The following LRP1B variants were observed in gnomAD, a reference collection of about 807,000 sequenced individuals.
The protein encoded by LRP1B is low-density lipoprotein receptor-related protein 1B.
LRP1B carries 217 observed loss-of-function variants against 556.6 expected under a neutral mutation model. That is an observed-to-expected ratio of 0.39 (90% CI 0.35 to 0.44). The LOEUF (loss-of-function observed/expected upper bound fraction) is 0.44. Ranked by LOEUF, LRP1B falls within the 20% of genes least tolerant of loss-of-function variation. The pLI is 1.00. For missense variants in LRP1B, 5,053 were observed against 5,620.8 expected (o/e 0.90, Z 3.23); for synonymous variants, 2,047 against 1,865.8 (o/e 1.10, Z -2.50).
chr2:141,045,926 C>T (rs530099284), intron 11 of LRP1B, among the ~76,000 whole-genome samples: 6 of 152,122 alleles, frequency 3.9e-5, no homozygotes, highest in South Asian at 4.2e-4. Flanking sequence ...AATATGTTTT[C>T]ACTTAGCAGA....
intron 2 of LRP1B, among the ~76,000 whole-genome samples, chr2:141,607,250 C>G (rs75175849): frequency 6.6e-6 from 1 of 151,892 alleles, no homozygotes; most frequent in Admixed American, 6.6e-5. Context: ...AGGAGTGATA[C>G]AAAAACATGT....
chr2:141,920,462 G>C (rs1700156918), intron 1 of LRP1B, among the ~76,000 whole-genome samples: 1 of 151,904 alleles, frequency 6.6e-6, no homozygotes, highest in African/African-American at 2.4e-5. Context: ...AAGAAAATGA[G>C]AAATATTGAG....
intron 3 of LRP1B, among the ~76,000 whole-genome samples, chr2:141,288,680 A>C (rs1245975028): frequency 6.6e-6 from 1 of 152,162 alleles, no homozygotes; most frequent in Non-Finnish European, 1.5e-5. Context: ...TTCTTACTTT[A>C]CATATTTACT....
intron 3 of LRP1B, among the ~76,000 whole-genome samples, chr2:141,267,227 G>C (rs981445590): frequency 6.6e-6 from 1 of 152,146 alleles, no homozygotes; most frequent in African/African-American, 2.4e-5. Flanking sequence ...GTAGCTCAAA[G>C]TGTGCTCCAG....
At chr2:141,320,330 GAAATA>G (rs1000183967) in intron 3 of LRP1B, among the ~76,000 whole-genome samples, 4 of 152,066 alleles carry the variant, frequency 2.6e-5, no homozygotes, top group African/African-American at 9.6e-5. Flanking sequence ...GCGCAGTAAG[GAAATA>G]AAATAACATC....
chr2:140,729,784 T>G (rs1232954666), intron 35 of LRP1B, among the ~76,000 whole-genome samples: 1 of 152,176 alleles, frequency 6.6e-6, no homozygotes, highest in Non-Finnish European at 1.5e-5. Context: ...GATAGAAAGC[T>G]TCATATTCTC....
intron 2 of LRP1B, among the ~76,000 whole-genome samples, chr2:141,490,382 T>TGTGC (rs111337512): frequency 0.46 from 68,392 of 149,978 alleles, 15,679 homozygotes; most frequent in Non-Finnish European, 0.48. Flanking sequence ...TGTGTGTGTG[T>TGTGC]GTGTGTGTGT....
chr2:141,219,935 CA>C (rs2105273097), intron 6 of LRP1B, among the ~76,000 whole-genome samples: 1 of 152,198 alleles, frequency 6.6e-6, no homozygotes, highest in South Asian at 2.1e-4. Flanking sequence ...TCAGCAGCTT[CA>C]AAATATTGAA....
At chr2:140,785,722 A>G (rs1689874155) in intron 32 of LRP1B, among the ~76,000 whole-genome samples, 1 of 152,100 alleles carries the variant, frequency 6.6e-6, no homozygotes, top group Non-Finnish European at 1.5e-5. Flanking sequence ...TACAGTAGGT[A>G]TTTCTACCTA....
intron 41 of LRP1B, among the ~76,000 whole-genome samples, chr2:140,675,595 A>AT (rs1685642059): frequency 6.6e-6 from 1 of 152,046 alleles, no homozygotes; most frequent in Non-Finnish European, 1.5e-5. Context: ...ACACAGTGAG[A>AT]TTTTGCCTCT....
intron 21 of LRP1B, among the ~76,000 whole-genome samples, chr2:140,910,662 T>C (rs1205194124): frequency 6.6e-6 from 1 of 151,836 alleles, no homozygotes; most frequent in African/African-American, 2.4e-5. Context: ...GCAAGATTCA[T>C]AAAGAAATTG....
chr2:141,928,383 T>A (rs894600343), intron 1 of LRP1B, among the ~76,000 whole-genome samples: 2 of 152,094 alleles, frequency 1.3e-5, no homozygotes. Context: ...TTGAAACATA[T>A]GAAAAATAAA....
intron 3 of LRP1B, among the ~76,000 whole-genome samples, chr2:141,393,717 T>A (rs567322620): frequency 2.6e-5 from 4 of 151,900 alleles, no homozygotes; most frequent in Admixed American, 6.6e-5. Context: ...GAAGACAAGT[T>A]GTACAGAAAA....
At chr2:140,985,951 C>G (rs992562313) in intron 17 of LRP1B, among the ~76,000 whole-genome samples, 2 of 151,822 alleles carry the variant, frequency 1.3e-5, no homozygotes, top group Non-Finnish European at 2.9e-5. Context: ...ATTTCCCTCC[C>G]TCTCTTTCCA....
intron 2 of LRP1B, among the ~76,000 whole-genome samples, chr2:141,698,507 A>G (rs1463067734): frequency 2.0e-5 from 3 of 151,002 alleles, no homozygotes; most frequent in South Asian, 2.1e-4. Context: ...AAAAAAAAAA[A>G]AGAGTTTGAC....
At chr2:141,981,173 A>G (rs1702033223) in intron 1 of LRP1B, among the ~76,000 whole-genome samples, 2 of 152,080 alleles carry the variant, frequency 1.3e-5, no homozygotes, top group African/African-American at 4.8e-5. Context: ...CAGTTATACA[A>G]TCTTATGGTA....
chr2:140,368,466 C>T (rs997744568), intron 71 of LRP1B, among the ~76,000 whole-genome samples: 2 of 151,694 alleles, frequency 1.3e-5, no homozygotes, highest in Admixed American at 6.6e-5. Flanking sequence ...AAGAGAACCC[C>T]CCAATCTTTT....
chr2:140,595,109 T>TATATATAG (rs1682386047), intron 43 of LRP1B, among the ~76,000 whole-genome samples: 1 of 63,618 alleles, frequency 1.6e-5, no homozygotes. Context: ...TATATATATA[T>TATATATAG]ATATATATAT....
intron 2 of LRP1B, among the ~76,000 whole-genome samples, chr2:141,676,593 G>A (rs1255391886): frequency 3.3e-5 from 5 of 152,060 alleles, no homozygotes; most frequent in African/African-American, 1.2e-4. Context: ...TCAGTTCTTG[G>A]AGCACATTGA....
Sources: allele counts gnomAD v4.1 joint callset (sites outside exome capture counted in the v4.1 genomes callset), GRCh38; gene constraint gnomAD v4.1.1; transcripts MANE v1.5; gene names NCBI Gene and HGNC (gene_info 2026-07-23, HGNC 2026-07-21).